NTN1: variants seen among roughly 807,000 people sequenced by gnomAD.
The protein encoded by NTN1 is netrin-1.
A neutral mutation model predicts 54.2 loss-of-function variants in NTN1; 11 were observed. That is an observed-to-expected ratio of 0.20 (90% CI 0.13 to 0.34). The LOEUF (loss-of-function observed/expected upper bound fraction) is 0.34, where lower values mean the gene tolerates loss of function less well. Among genes scored for constraint, NTN1 ranks in the 10% least tolerant of loss-of-function variants. NTN1 has a pLI of 1.00. For missense variants in NTN1, 740 were observed against 893.1 expected (o/e 0.83, Z 2.18); for synonymous variants, 371 against 382.0 (o/e 0.97, Z 0.33).
intron 2 of NTN1, among the ~76,000 whole-genome samples, chr17:9,081,244 A>T (rs569306710): frequency 6.6e-6 from 1 of 151,884 alleles, no homozygotes; most frequent in South Asian, 2.1e-4. Context: ...ATTCCCTCAC[A>T]CTTCTTGGTG....
At chr17:9,237,517 A>G (rs928910971) in intron 6 of NTN1, among the ~76,000 whole-genome samples, 1 of 152,186 alleles carries the variant, frequency 6.6e-6, no homozygotes, top group Non-Finnish European at 1.5e-5. Context: ...CACAGCACCA[A>G]CAGATGCTCG....
intron 2 of NTN1, among the ~76,000 whole-genome samples, chr17:9,144,032 A>T: frequency 6.6e-6 from 1 of 151,990 alleles, no homozygotes; most frequent in East Asian, 1.9e-4. Context: ...AGTAGCTAGA[A>T]TTACAGGCAC....
chr17:9,213,743 T>C (rs1905160850), intron 5 of NTN1, among the ~76,000 whole-genome samples: 1 of 152,202 alleles, frequency 6.6e-6, no homozygotes, highest in African/African-American at 2.4e-5. Context: ...GTGAAATCGA[T>C]TTGTCCTTTA....
intron 5 of NTN1, among the ~76,000 whole-genome samples, chr17:9,214,452 A>G: frequency 6.6e-6 from 1 of 152,146 alleles, no homozygotes; most frequent in East Asian, 1.9e-4. Context: ...TGATACTAAC[A>G]TTTCCACTCT....
chr17:9,236,814 C>T (rs1191366774), intron 6 of NTN1, among the ~76,000 whole-genome samples: 1 of 152,230 alleles, frequency 6.6e-6, no homozygotes, highest in African/African-American at 2.4e-5. Flanking sequence ...GTGGCAGTGC[C>T]TGGAGAAGCA....
Position 9,170,158 on chromosome 17 carries a change from G to T in NTN1, c.1207+7157G>T, listed in dbSNP as rs151175124. 6.6e-5 allele frequency among the ~76,000 whole-genome samples: 10 copies of T among 152,268 alleles called. No individual in the cohort carries two copies. In the East Asian group the frequency reaches 1.9e-3, roughly 29 times the overall value. ...GACCACAGTTCAGGCTCCACCTCTGGAGGCAAGACATTTACTCTCAGTAGC... is the reference window on the plus strand; with the variant it reads ...GACCACAGTTCAGGCTCCACCTCTGTAGGCAAGACATTTACTCTCAGTAGC... On this transcript the variant is annotated intron_variant, in intron 3 of 6. Coordinates refer to ENST00000173229, the MANE Select transcript of NTN1 (RefSeq NM_004822.3).
intron 5 of NTN1, among the ~76,000 whole-genome samples, chr17:9,217,850 A>G (rs1386357153): frequency 9.1e-6 from 1 of 109,366 alleles, no homozygotes; most frequent in Non-Finnish European, 2.0e-5. Context: ...GAAAGGAAAG[A>G]CACCAAAAAA....
chr17:9,010,015 T>C, the NTN1 span, among the ~76,000 whole-genome samples: 1 of 152,226 alleles, frequency 6.6e-6, no homozygotes, highest in Non-Finnish European at 1.5e-5. Flanking sequence ...TGGGCTCTCA[T>C]ACAGTAAAGC....
intron 2 of NTN1, among the ~76,000 whole-genome samples, chr17:9,037,142 CCA>C (rs1334956030): frequency 1.3e-5 from 2 of 152,204 alleles, no homozygotes; most frequent in Non-Finnish European, 2.9e-5. Context: ...AGGGTAACCA[CCA>C]TTTTGACTTC....
intron 3 of NTN1, chr17:9,176,302 G>A (rs762376426): frequency 5.2e-5 from 8 of 152,476 alleles, no homozygotes; most frequent in Non-Finnish European, 1.2e-4. Context: ...TGAGAGCGAG[G>A]GAGGGAGAAT....
intron 2 of NTN1, among the ~76,000 whole-genome samples, chr17:9,158,830 C>T (rs1027815627): frequency 2.2e-4 from 33 of 152,260 alleles, no homozygotes; most frequent in Middle Eastern, 3.4e-3. Context: ...GAACACTTGC[C>T]GGAGGACAGT....
chr17:9,189,546 T>G (rs112543460), intron 5 of NTN1, among the ~76,000 whole-genome samples: 30,957 of 151,886 alleles, frequency 0.2, 3,278 homozygotes, highest in African/African-American at 0.24. Context: ...GAGACGGGGT[T>G]TCACCATGTT....
chr17:9,113,888 C>T (rs772424405), intron 2 of NTN1, among the ~76,000 whole-genome samples: 4 of 151,828 alleles, frequency 2.6e-5, no homozygotes, highest in South Asian at 2.1e-4. Flanking sequence ...TCAGGCCAGG[C>T]GCGGTGGCTC....
Position 9,114,677 on chromosome 17 carries a change from C to T in NTN1, c.1019-48136C>T, listed in dbSNP as rs376492414. ...CTAAGGCACGGAGAATCGCTTGAAC[C>T]CGGGAAGAGGAGGTTGCAGCGAGCC... On this transcript the variant is annotated intron_variant, in intron 2 of 6. Coordinates refer to ENST00000173229, the MANE Select transcript of NTN1 (RefSeq NM_004822.3). 1.8e-4 allele frequency among the ~76,000 whole-genome samples: 28 copies of T among 152,276 alleles called. 1 individual carries two copies. Among genetic ancestry groups the T allele is most frequent in the African/African-American group, 6.7e-4 (28 of 41,544 alleles).
intron 5 of NTN1, among the ~76,000 whole-genome samples, chr17:9,202,029 TACAC>T (rs1200661283): frequency 6.3e-4 from 17 of 26,848 alleles, no homozygotes; most frequent in East Asian, 1.3e-3. Context: ...CTACTAAAAA[TACAC>T]ACACACACAC....
intron 2 of NTN1, among the ~76,000 whole-genome samples, chr17:9,113,857 A>G (rs960864640): frequency 6.6e-6 from 1 of 152,076 alleles, no homozygotes; most frequent in African/African-American, 2.4e-5. Context: ...TAATGTAGAC[A>G]TAAAATTAAA....
Position 9,212,892 on chromosome 17 carries a change from A to G in NTN1, c.1412-8276A>G, listed in dbSNP as rs562990316. Among the ~76,000 whole-genome samples, 1 of 152,324 alleles carries G rather than the reference A, an allele frequency of 6.6e-6. No individual in the cohort carries two copies. The highest frequency in any genetic ancestry group is 2.1e-4 in the South Asian group (1 of 4,834). ...GCCAGATGCGGTGCCCCTGGCTTCA[A>G]CCGTGGCCGCCGGGCTCTGCCTGCC... On this transcript the variant is annotated intron_variant, in intron 5 of 6. Transcript: ENST00000173229. This position sits in a 1 kb window ranked among gnomAD's most constrained non-coding sequence, Gnocchi z 5.5.
chr17:9,196,084 G>A (rs925305178), intron 5 of NTN1, among the ~76,000 whole-genome samples: 1 of 152,038 alleles, frequency 6.6e-6, no homozygotes, highest in Non-Finnish European at 1.5e-5. Context: ...CTGCTTTGGA[G>A]GCCACTTTGG....
In NTN1 at chr17:9,219,974, T is replaced by TC. The variant is rs1905294982; in HGVS notation, c.1412-1191dup. On this transcript the variant is annotated intron_variant, in intron 5 of 6. Coordinates refer to ENST00000173229, the MANE Select transcript of NTN1 (RefSeq NM_004822.3). This position sits in a 1 kb window ranked among gnomAD's most constrained non-coding sequence, Gnocchi z 4.5. ...TAGAACAGGCTGGGCCCCCTGCAGC[T>TC]CCCTGCAGCTCCCCGCTCCTCCCCG... Among the ~76,000 whole-genome samples, 2 of 152,108 alleles carry TC rather than the reference T, an allele frequency of 1.3e-5. 1 individual carries two copies. Among genetic ancestry groups the TC allele is most frequent in the Admixed American group, 1.3e-4 (2 of 15,296 alleles).
Sources: gnomAD v4.1 joint callset for allele counts (sites outside exome capture counted in the v4.1 genomes callset) on GRCh38, gnomAD v4.1.1 for gene constraint, Gnocchi (gnomAD v3.1) non-coding constraint, MANE v1.5 for transcripts, NCBI Gene and HGNC (gene_info 2026-07-23, HGNC 2026-07-21) for gene names.